Variants in RASAL2 observed in about 807,000 individuals in gnomAD.
RASAL2 encodes ras GTPase-activating protein nGAP.
Under a neutral mutation model 128.9 loss-of-function variants are expected in RASAL2, and 58 were observed. The ratio of observed to expected loss-of-function variants is 0.45; its 90% confidence interval spans 0.36 to 0.56. The LOEUF is 0.56. Among genes scored for constraint, RASAL2 ranks in the 20% least tolerant of loss-of-function variants. The probability of loss-of-function intolerance (pLI) is 0.00; values close to 1 mark genes in which losing one functional copy is unlikely to be tolerated. For synonymous variants in RASAL2, 561 were observed against 580.8 expected (o/e 0.97, Z 0.49); for missense variants, 1,360 against 1,601.6 (o/e 0.85, Z 2.57).
At chr1:178,347,617 A>G (rs1404503696) in intron 3 of RASAL2, among the ~76,000 whole-genome samples, 3 of 152,234 alleles carry the variant, frequency 2.0e-5, no homozygotes, top group African/African-American at 7.2e-5. Flanking sequence ...ATAGGATTAC[A>G]TACCCATCAA....
chr1:178,390,246 CT>C (rs767521333), intron 4 of RASAL2, 40 bp downstream of exon 4: 6 of 1,458,824 alleles, frequency 4.1e-6, no homozygotes, highest in Non-Finnish European at 4.8e-6. Flanking sequence ...TTTACTTTTC[CT>C]TTTCTCCTTT....
intron 3 of RASAL2, among the ~76,000 whole-genome samples, chr1:178,312,394 A>C (rs2102306408): frequency 6.6e-6 from 1 of 152,364 alleles, no homozygotes; most frequent in Middle Eastern, 3.4e-3. Flanking sequence ...ATGCCCTCAA[A>C]ATTCTGAAGG....
intron 1 of RASAL2, among the ~76,000 whole-genome samples, chr1:178,206,728 A>G (rs1049492785): frequency 6.6e-6 from 1 of 152,230 alleles, no homozygotes; most frequent in Non-Finnish European, 1.5e-5. Context: ...ACAAAGATCT[A>G]TATTAACATT....
intron 1 of RASAL2, among the ~76,000 whole-genome samples, chr1:178,235,377 G>T (rs1664185580): frequency 6.6e-6 from 1 of 152,086 alleles, no homozygotes; most frequent in African/African-American, 2.4e-5. Context: ...AATGTGTGAG[G>T]TGCTGTGAGA....
chr1:178,472,972 G>A, intron 17 of RASAL2, 103 bp from the exon 18 acceptor site: 1 of 1,330,600 alleles, frequency 7.5e-7, no homozygotes, highest in Non-Finnish European at 1.1e-6. Flanking sequence ...GAAGCACCAT[G>A]CATACAACTG....
At chr1:178,208,458 A>C (rs1663132187) in intron 1 of RASAL2, among the ~76,000 whole-genome samples, 1 of 152,142 alleles carries the variant, frequency 6.6e-6, no homozygotes, top group African/African-American at 2.4e-5. Context: ...CAGTACCCTC[A>C]GGCTTACTAG....
At chr1:178,254,386 C>T (rs1665216555) in intron 1 of RASAL2, among the ~76,000 whole-genome samples, 1 of 152,152 alleles carries the variant, frequency 6.6e-6, no homozygotes, top group African/African-American at 2.4e-5. Context: ...AAGTTAATGT[C>T]TGGATTATGT....
At chr1:178,162,293 A>T (rs1661334982) in intron 1 of RASAL2, among the ~76,000 whole-genome samples, 1 of 128,996 alleles carries the variant, frequency 7.8e-6, no homozygotes, top group Non-Finnish European at 1.6e-5. Context: ...ATTTCTTTAT[A>T]TATATATATA....
At chr1:178,207,769 C>G (rs1251655083) in intron 1 of RASAL2, among the ~76,000 whole-genome samples, 1 of 152,076 alleles carries the variant, frequency 6.6e-6, no homozygotes, top group African/African-American at 2.4e-5. Flanking sequence ...ATATCCTCTA[C>G]TTTTTAACTT....
At chr1:178,428,779 A>G (rs1675694243) in intron 5 of RASAL2, among the ~76,000 whole-genome samples, 1 of 151,984 alleles carries the variant, frequency 6.6e-6, no homozygotes, top group South Asian at 2.1e-4. Context: ...ACAAAATTCT[A>G]ATCAAAACTA....
intron 5 of RASAL2, among the ~76,000 whole-genome samples, chr1:178,427,883 A>C (rs1675624733): frequency 6.6e-6 from 1 of 152,090 alleles, no homozygotes; most frequent in Non-Finnish European, 1.5e-5. Context: ...TTTCATTACC[A>C]AGAAAGAACT....
At chr1:178,251,234 G>T (rs975160853) in intron 1 of RASAL2, among the ~76,000 whole-genome samples, 1 of 152,128 alleles carries the variant, frequency 6.6e-6, no homozygotes, top group Non-Finnish European at 1.5e-5. Flanking sequence ...GAAAATGATG[G>T]AAAATGCTTT....
In RASAL2 at chr1:178,351,183, A is replaced by C. The variant is rs147680378; in HGVS notation, c.458-38917A>C. Among the ~76,000 whole-genome samples, 942 of 152,264 alleles carry C rather than the reference A, an allele frequency of 6.2e-3. 4 individuals carry two copies. Among genetic ancestry groups the C allele is most frequent in the Non-Finnish European group, 0.011 (748 of 68,018 alleles). The stretch of plus-strand genomic sequence containing the variant: ...ATCCAGTCACCTCCCACCAGGCTCC[A>C]TTTCCCGCATTAGGGATTATAATTT... On this transcript the variant is annotated intron_variant, in intron 3 of 17. Coordinates refer to ENST00000367649, the MANE Select transcript of RASAL2 (RefSeq NM_170692.4).
intron 1 of RASAL2, among the ~76,000 whole-genome samples, chr1:178,116,644 C>T (rs1659528389): frequency 6.6e-6 from 1 of 151,926 alleles, no homozygotes; most frequent in Non-Finnish European, 1.5e-5. Context: ...GAGTCTTGCT[C>T]TGTCGCCCAG....
chr1:178,147,479 CAA>C (rs71297899), intron 1 of RASAL2, among the ~76,000 whole-genome samples: 16 of 82,948 alleles, frequency 1.9e-4, no homozygotes, highest in Admixed American at 2.6e-4. Context: ...GACTCCGTCT[CAA>C]AAAAAAAAAA....
intron 3 of RASAL2, among the ~76,000 whole-genome samples, chr1:178,308,539 C>CTTTT (rs576125039): frequency 7.7e-6 from 1 of 130,018 alleles, no homozygotes; most frequent in African/African-American, 2.9e-5. Context: ...CAAACATTAG[C>CTTTT]TTTTTTTTTT....
In RASAL2 at chr1:178,445,642, A is replaced by G; in HGVS notation, c.1607A>G (p.Gln536Arg). The change falls in exon 9 of 18, where the codon CAG becomes CGG. Residue 536 changes from glutamine to arginine, a missense_variant. By Grantham distance (43) the Gln-to-Arg change is conservative (BLOSUM62 1). Coordinates refer to ENST00000367649, the MANE Select transcript of RASAL2 (RefSeq NM_170692.4). ...IEEYLKLVGQ[Q>R]YLHDALGEFI... ...GAATACCTCAAGTTGGTGGGACAAC[A>G]GTATCTTCATGACGCACTGGGTATG... 1 of 1,613,304 alleles carries G rather than the reference A, an allele frequency of 6.2e-7. No individual in the cohort carries two copies. Among genetic ancestry groups the G allele is most frequent in the Non-Finnish European group, 8.5e-7 (1 of 1,179,608 alleles).
chr1:178,439,997 C>G (rs912904191), intron 6 of RASAL2, among the ~76,000 whole-genome samples: 3 of 150,418 alleles, frequency 2.0e-5, no homozygotes, highest in Admixed American at 2.0e-4. Flanking sequence ...ATCCATCCAT[C>G]CATCCATCCA....
At chr1:178,262,733 G>GAGTAAAAC (rs1665756180) in intron 1 of RASAL2, among the ~76,000 whole-genome samples, 1 of 151,766 alleles carries the variant, frequency 6.6e-6, no homozygotes, top group African/African-American at 2.4e-5. Context: ...TAACTGGTTA[G>GAGTAAAAC]AGTAAAACAG....
Sources: gnomAD v4.1 joint callset for allele counts (sites outside exome capture counted in the v4.1 genomes callset) on GRCh38, gnomAD v4.1.1 for gene constraint, MANE v1.5 for transcripts, NCBI Gene and HGNC (gene_info 2026-07-23, HGNC 2026-07-21) for gene names.